The following EEA1 variants were observed in gnomAD, a reference collection of about 807,000 sequenced individuals.
The protein encoded by EEA1 is early endosome antigen 1.
EEA1 carries 111 observed loss-of-function variants against 209.2 expected under a neutral mutation model. The ratio of observed to expected loss-of-function variants is 0.53; its 90% CI spans 0.45 to 0.62. The LOEUF is 0.62. Among genes scored for constraint, EEA1 ranks in the 20% least tolerant of loss-of-function variants. The pLI, the probability that EEA1 is intolerant of heterozygous loss-of-function variation, is 0.00. For synonymous variants in EEA1, 536 were observed against 540.6 expected (o/e 0.99, Z 0.12); for missense variants, 1,343 against 1,530.8 (o/e 0.88, Z 2.05).
At chr12:92,813,334 C>T (rs1477853436) in intron 15 of EEA1, among the ~76,000 whole-genome samples, 1 of 152,096 alleles carries the variant, frequency 6.6e-6, no homozygotes, top group East Asian at 1.9e-4. Flanking sequence ...TTCCAAAACA[C>T]TTTAGTATTC....
At chr12:92,872,459 CT>C (rs1482446123) in intron 2 of EEA1, among the ~76,000 whole-genome samples, 1 of 152,222 alleles carries the variant, frequency 6.6e-6, no homozygotes. Flanking sequence ...TTAGTCTTTA[CT>C]ATATTCCACT....
At chr12:92,899,779 T>C (rs912032821) in intron 1 of EEA1, among the ~76,000 whole-genome samples, 2 of 152,212 alleles carry the variant, frequency 1.3e-5, no homozygotes, top group African/African-American at 4.8e-5. Context: ...TCATTTTCTT[T>C]GTCCTTACAA....
At chr12:92,914,930 C>T (rs1185322187) in intron 1 of EEA1, among the ~76,000 whole-genome samples, 1 of 151,752 alleles carries the variant, frequency 6.6e-6, no homozygotes, top group African/African-American at 2.4e-5. Flanking sequence ...TCCCAAAGTG[C>T]TGGGATTATA....
At chr12:92,859,369 G>A in intron 3 of EEA1, 1 of 759,940 alleles carries the variant, frequency 1.3e-6, no homozygotes. Context: ...AAATTTTCCT[G>A]TCCTGTTTCA....
At chr12:92,909,383 A>G (rs981792339) in intron 1 of EEA1, among the ~76,000 whole-genome samples, 7 of 152,248 alleles carry the variant, frequency 4.6e-5, no homozygotes, top group Admixed American at 3.9e-4. Flanking sequence ...AGGTACTCCC[A>G]GTAGCTAAAG....
rs770621947 is a variant in EEA1, at chr12:92,816,246, C to G, written c.1883G>C (p.Ser628Thr). The G allele has an allele frequency of 1.2e-6, 2 of 1,613,876 alleles. No individual in the cohort carries two copies. The highest frequency in any genetic ancestry group is 1.7e-6 in the Non-Finnish European group (2 of 1,179,850). Residue 628 changes from serine to threonine, a missense_variant, in exon 15 of 29, where the codon AGT becomes ACT. Ser to Thr is a moderately conservative substitution (Grantham distance 58). Around this residue, in one of 3 missense-constraint regions of EEA1, gnomAD observed 1,307 missense variants for 1,465.5 expected, o/e 0.89. Coordinates refer to ENST00000322349, the MANE Select transcript of EEA1 (RefSeq NM_003566.4). ...SLETSVNELN[S>T]QLNESKEKVS... ...CTTCTCCTTGCTTTCATTTAATTGA[C>G]TATTTAATTCATTGACACTAGTTTC...
At chr12:92,858,906 G>T in intron 3 of EEA1, 1 of 708,798 alleles carries the variant, frequency 1.4e-6, no homozygotes, top group South Asian at 1.5e-5. Context: ...ACTTACAGAG[G>T]TTGGGGTGTT....
intron 18 of EEA1, among the ~76,000 whole-genome samples, chr12:92,804,566 T>A (rs7303813): frequency 7.3e-6 from 1 of 136,380 alleles, no homozygotes; most frequent in East Asian, 2.1e-4. Flanking sequence ...AGTGAGACTC[T>A]GTCTCAAAAA....
intron 1 of EEA1, among the ~76,000 whole-genome samples, chr12:92,913,318 T>C (rs1880646389): frequency 6.6e-6 from 1 of 152,222 alleles, no homozygotes; most frequent in African/African-American, 2.4e-5. Flanking sequence ...CATTTTCTCA[T>C]GTTTGTTGGT....
At chr12:92,871,154 A>G (rs180735374) in intron 2 of EEA1, among the ~76,000 whole-genome samples, 83 of 152,352 alleles carry the variant, frequency 5.4e-4, no homozygotes, top group African/African-American at 1.6e-3. Flanking sequence ...TCATGGCAAA[A>G]TTGATACAAA....
At chr12:92,827,714 AT>A (rs1449443058) in intron 12 of EEA1, among the ~76,000 whole-genome samples, 197 bp downstream of exon 12, 1 of 152,198 alleles carries the variant, frequency 6.6e-6, no homozygotes, top group African/African-American at 2.4e-5. Flanking sequence ...TTCCTTGTGC[AT>A]TTCTGTTGAG....
chr12:92,786,895 T>C (rs929809600), intron 22 of EEA1, among the ~76,000 whole-genome samples: 2 of 152,198 alleles, frequency 1.3e-5, no homozygotes, highest in Non-Finnish European at 2.9e-5. Flanking sequence ...ATTCCAAACA[T>C]AAACTAGTAC....
At chr12:92,790,222 TCTC>T (rs571757145) in intron 21 of EEA1, among the ~76,000 whole-genome samples, 124 of 152,164 alleles carry the variant, frequency 8.1e-4, no homozygotes, top group African/African-American at 2.8e-3. Context: ...GAGCACCTCT[TCTC>T]CTCCAAAAGA....
Position 92,832,424 on chromosome 12 carries a change from A to G in EEA1, c.1254+88T>C, listed in dbSNP as rs932510709. The G allele has an allele frequency of 1.4e-5, 17 of 1,253,376 alleles. No homozygotes were observed. The African/African-American group carries it at 2.4e-4, about 18-fold the overall frequency. The allele number at this position is 1,253,376 out of a possible 1,614,324, so 77.6% of individuals were successfully genotyped here. On this transcript the variant is annotated intron_variant, in intron 11 of 28. Transcript: ENST00000322349. ...TTTAAAATGACAATATTTTTTCAACATGAACTATATTATGATCAAATAACC... is the reference window on the plus strand; with the variant it reads ...TTTAAAATGACAATATTTTTTCAACGTGAACTATATTATGATCAAATAACC...
At chr12:92,781,811 G>C (rs548032524) in intron 23 of EEA1, 139 bp downstream of exon 23, 10 of 623,496 alleles carry the variant, frequency 1.6e-5, no homozygotes, top group Non-Finnish European at 2.2e-5. Context: ...ATGATCAAAA[G>C]TGTCAGAAAC....
chr12:92,865,714 T>TTTTTATTTTATTTTA (rs79830023), intron 2 of EEA1, among the ~76,000 whole-genome samples: 8 of 142,348 alleles, frequency 5.6e-5, no homozygotes, highest in African/African-American at 8.1e-5. Context: ...AACTTTTATT[T>TTTTTATTTTATTTTA]TTTTATTTTA....
intron 10 of EEA1, among the ~76,000 whole-genome samples, chr12:92,837,350 G>A (rs754938924): frequency 7.9e-5 from 12 of 152,104 alleles, no homozygotes; most frequent in Non-Finnish European, 1.5e-4. Context: ...TGTGACTACT[G>A]CACTATACTG....
At chr12:92,902,211 C>T (rs559065578) in intron 1 of EEA1, among the ~76,000 whole-genome samples, 1 of 152,060 alleles carries the variant, frequency 6.6e-6, no homozygotes, top group Non-Finnish European at 1.5e-5. Context: ...AAAAGAATTT[C>T]AAATATTATT....
chr12:92,860,147 C>A (rs1878074553), intron 3 of EEA1, among the ~76,000 whole-genome samples: 1 of 152,192 alleles, frequency 6.6e-6, no homozygotes, highest in Non-Finnish European at 1.5e-5. Context: ...ACTAGCCACA[C>A]CTCACCAACT....
Sources: gnomAD v4.1 joint callset for allele counts (sites outside exome capture counted in the v4.1 genomes callset) on GRCh38, gnomAD v4.1.1 for gene constraint, gnomAD v4.1.1 regional missense constraint, MANE v1.5 for transcripts, NCBI Gene and HGNC (gene_info 2026-07-23, HGNC 2026-07-21) for gene names.